FSTL4: variants seen among roughly 807,000 people sequenced by gnomAD.
The protein encoded by FSTL4 is follistatin-related protein 4.
In FSTL4, 28 loss-of-function variants were observed where a neutral mutation model predicts 78.2. The ratio of observed to expected loss-of-function variants is 0.36; its 90% CI spans 0.27 to 0.49. FSTL4 has a LOEUF of 0.49. Ranked by LOEUF, FSTL4 falls within the 20% of genes least tolerant of loss-of-function variation. FSTL4 has a pLI of 0.98. For synonymous variants in FSTL4, 422 were observed against 440.5 expected, an observed-to-expected ratio of 0.96 and a Z score of 0.53; for missense variants, 922 against 1,084.9, an observed-to-expected ratio of 0.85 and a Z score of 2.11.
chr5:133,672,009 T>C, the FSTL4 span, among the ~76,000 whole-genome samples: 2 of 152,212 alleles, frequency 1.3e-5, no homozygotes, highest in African/African-American at 4.8e-5. Flanking sequence ...CCTAATTAGA[T>C]GGGGAGGAAA....
intron 6 of FSTL4, among the ~76,000 whole-genome samples, chr5:133,296,446 C>T (rs1753397558): frequency 6.6e-6 from 1 of 152,194 alleles, no homozygotes; most frequent in South Asian, 2.1e-4. Flanking sequence ...TCTAGTTTCA[C>T]CCATTGTGAA....
At chr5:133,579,780 C>T (rs1271957639) in intron 2 of FSTL4, among the ~76,000 whole-genome samples, 1 of 152,176 alleles carries the variant, frequency 6.6e-6, no homozygotes, top group Non-Finnish European at 1.5e-5. Flanking sequence ...AGAAAGTGTG[C>T]CCTCCAGTAC....
At chr5:133,831,421 C>CCT in the FSTL4 span, among the ~76,000 whole-genome samples, 2 of 152,146 alleles carry the variant, frequency 1.3e-5, no homozygotes, top group Non-Finnish European at 2.9e-5. Context: ...CATCCCCACC[C>CCT]GAGAACTCCA....
At chr5:133,698,501 A>G in the FSTL4 span, among the ~76,000 whole-genome samples, 2 of 152,258 alleles carry the variant, frequency 1.3e-5, no homozygotes, top group South Asian at 2.1e-4. Context: ...TCTTCTGTCA[A>G]ACATGATGGA....
At chr5:133,704,430 G>A in the FSTL4 span, among the ~76,000 whole-genome samples, 1 of 152,298 alleles carries the variant, frequency 6.6e-6, no homozygotes, top group South Asian at 2.1e-4. Flanking sequence ...TGGGGTCAGT[G>A]ACCCAAGGGT....
intron 4 of FSTL4, among the ~76,000 whole-genome samples, chr5:133,318,259 T>A (rs1294621066): frequency 1.3e-5 from 2 of 152,208 alleles, no homozygotes; most frequent in Non-Finnish European, 2.9e-5. Context: ...GGATATTGAT[T>A]CCTGGGGGTT....
chr5:133,708,360 T>A, the FSTL4 span, among the ~76,000 whole-genome samples: 2 of 152,278 alleles, frequency 1.3e-5, no homozygotes, highest in African/African-American at 4.8e-5. Flanking sequence ...CCGCTGTGGG[T>A]GGGTCTCTGC....
At chr5:133,510,886 T>A (rs1758718183) in intron 3 of FSTL4, among the ~76,000 whole-genome samples, 1 of 151,792 alleles carries the variant, frequency 6.6e-6, no homozygotes, top group African/African-American at 2.4e-5. Flanking sequence ...TCAAAACCCA[T>A]CTGTGAGATG....
chr5:133,658,536 A>G, the FSTL4 span, among the ~76,000 whole-genome samples: 1 of 152,044 alleles, frequency 6.6e-6, no homozygotes, highest in Non-Finnish European at 1.5e-5. Flanking sequence ...TTCCTCTTTT[A>G]TTAGTGTCAC....
chr5:133,582,712 T>A (rs2112960047), intron 2 of FSTL4, among the ~76,000 whole-genome samples: 1 of 152,340 alleles, frequency 6.6e-6, no homozygotes, highest in South Asian at 2.1e-4. Flanking sequence ...CTCTTACCCA[T>A]GACTTTCTCT....
At chr5:133,670,252 C>T in the FSTL4 span, among the ~76,000 whole-genome samples, 4,289 of 152,284 alleles carry the variant, frequency 0.028, 88 homozygotes, top group East Asian at 0.083. Context: ...AAAAGTACTG[C>T]CAGGCTGGGC....
chr5:133,756,072 G>A, the FSTL4 span, among the ~76,000 whole-genome samples: 2 of 152,152 alleles, frequency 1.3e-5, no homozygotes, highest in African/African-American at 4.8e-5. Flanking sequence ...GCAATACAGT[G>A]CAGAGCATGT....
In FSTL4 at chr5:133,236,850, T is replaced by C. The variant is rs1355300684; in HGVS notation, c.895-3313A>G. On this transcript the variant is annotated intron_variant, in intron 7 of 15. Transcript: ENST00000265342. The surrounding 1 kb of genome is among the most constrained non-coding windows in gnomAD (Gnocchi z 5.0). Reference sequence around the variant, plus strand: ...TCCCCACACCCTGCTTGGCGCCTCCTGTGGACGCACTGCTGTGCCGCCTGC... The same window carrying C: ...TCCCCACACCCTGCTTGGCGCCTCCCGTGGACGCACTGCTGTGCCGCCTGC... Among the ~76,000 whole-genome samples the C allele has an allele frequency of 6.6e-6, 1 of 152,208 alleles. No individual in the cohort carries two copies. Among genetic ancestry groups the C allele is most frequent in the African/African-American group, 2.4e-5 (1 of 41,450 alleles).
At chr5:133,766,781 C>T in the FSTL4 span, among the ~76,000 whole-genome samples, 49 of 152,258 alleles carry the variant, frequency 3.2e-4, no homozygotes, top group African/African-American at 7.5e-4. Flanking sequence ...TCATTCCTAC[C>T]GATGAGACAG....
chr5:133,459,452 T>TA (rs1021742991), intron 3 of FSTL4, among the ~76,000 whole-genome samples: 10 of 152,046 alleles, frequency 6.6e-5, no homozygotes, highest in African/African-American at 1.2e-4. Context: ...AATTCCAGGT[T>TA]AAAAAAAACC....
chr5:133,423,409 C>T (rs902057109), intron 3 of FSTL4, among the ~76,000 whole-genome samples: 14 of 152,358 alleles, frequency 9.2e-5, no homozygotes, highest in African/African-American at 3.1e-4. Flanking sequence ...CCTTCCTGCC[C>T]TCCTTCCAAG....
the FSTL4 span, among the ~76,000 whole-genome samples, chr5:133,776,567 T>A: frequency 2.2e-4 from 33 of 152,140 alleles, no homozygotes; most frequent in Non-Finnish European, 4.4e-5. Context: ...TTTTTCCTGG[T>A]AAGATCCTAA....
the FSTL4 span, among the ~76,000 whole-genome samples, chr5:133,716,386 T>C: frequency 6.8e-6 from 1 of 147,602 alleles, no homozygotes; most frequent in Non-Finnish European, 1.5e-5. Context: ...TATATAAGAA[T>C]ATATATATAT....
intron 3 of FSTL4, among the ~76,000 whole-genome samples, chr5:133,451,335 C>A (rs917670867): frequency 6.6e-6 from 1 of 151,694 alleles, no homozygotes; most frequent in Non-Finnish European, 1.5e-5. Flanking sequence ...CAGAGGCGTG[C>A]GGATTACCTG....
Sources: allele counts gnomAD v4.1 joint callset (sites outside exome capture counted in the v4.1 genomes callset), GRCh38; gene constraint gnomAD v4.1.1; non-coding constraint Gnocchi (gnomAD v3.1); transcripts MANE v1.5; gene names NCBI Gene and HGNC (gene_info 2026-07-23, HGNC 2026-07-21).